KDM4B: variants seen among roughly 807,000 people sequenced by gnomAD.
KDM4B encodes the protein lysine demethylase 4B.
A neutral mutation model predicts 125.2 loss-of-function variants in KDM4B; 32 were observed. The observed-to-expected ratio is 0.26, with a 90% confidence interval of 0.19 to 0.34. The LOEUF is 0.34. Ranked by LOEUF, KDM4B falls within the 10% of genes least tolerant of loss-of-function variation. The probability of loss-of-function intolerance (pLI) is 1.00; values close to 1 mark genes in which losing one functional copy is unlikely to be tolerated. For synonymous variants in KDM4B, 721 were observed against 677.9 expected (o/e 1.06, Z -0.99); for missense variants, 1,190 against 1,577.7 (o/e 0.75, Z 4.16).
At chr19:5,080,508 G>A (rs1307172698) in intron 8 of KDM4B, among the ~76,000 whole-genome samples, 1 of 152,236 alleles carries the variant, frequency 6.6e-6, no homozygotes, top group Non-Finnish European at 1.5e-5. Context: ...AGCCAGCTGG[G>A]AGACACCGCC....
chr19:5,137,398 C>A, intron 16 of KDM4B, 60 bp downstream of exon 16: 1 of 1,458,122 alleles, frequency 6.9e-7, no homozygotes. Flanking sequence ...GGCCCCACTC[C>A]AGTGGGGTGA....
At chr19:4,975,436 T>C (rs919437852) in intron 1 of KDM4B, among the ~76,000 whole-genome samples, 2 of 152,110 alleles carry the variant, frequency 1.3e-5, no homozygotes, top group African/African-American at 4.8e-5. Context: ...CGGGCAGGAT[T>C]GAACCTGTGG....
chr19:5,096,627 G>A (rs1241854813), intron 9 of KDM4B, among the ~76,000 whole-genome samples: 2 of 150,266 alleles, frequency 1.3e-5, no homozygotes, highest in Admixed American at 6.6e-5. Context: ...CGGCGGTGTC[G>A]GTGGTGCGTG....
chr19:5,129,817 G>A (rs577648640), intron 11 of KDM4B, among the ~76,000 whole-genome samples: 56 of 152,330 alleles, frequency 3.7e-4, no homozygotes, highest in Non-Finnish European at 6.3e-4. Context: ...CAGGGCTCAC[G>A]GTGTTCTGGG....
chr19:5,053,986 A>T (rs1395872179), intron 6 of KDM4B, among the ~76,000 whole-genome samples: 1 of 152,224 alleles, frequency 6.6e-6, no homozygotes, highest in Admixed American at 6.5e-5. Context: ...CACCTGTCCC[A>T]ATCCTCTGCT....
Position 5,110,798 on chromosome 19 carries a change from G to A in KDM4B, c.1095G>A (p.Leu365=), listed in dbSNP as rs367662512. ...LSSWSASRAS[L]KAKLLRRSHR... ...CCTGGAGTGCATCCCGGGCCTCGCT[G>A]AAGGCCAAGCTCCTCCGCAGGTGAG... The change falls in exon 10 of 23, where the codon CTG becomes CTA. Residue 365 remains leucine, a synonymous_variant. Transcript: ENST00000159111. 1 of 1,592,720 alleles carries A rather than the reference G, an allele frequency of 6.3e-7. No individual in the cohort carries two copies. The highest frequency in any genetic ancestry group is 8.5e-7 in the Non-Finnish European group (1 of 1,170,220).
chr19:5,008,757 ATT>A (rs61536849), intron 1 of KDM4B, among the ~76,000 whole-genome samples: 1 of 137,778 alleles, frequency 7.3e-6, no homozygotes, highest in Non-Finnish European at 1.6e-5. Context: ...CACTTGGCTA[ATT>A]TTTTTTTTTT....
At chr19:5,037,417 C>T (rs534937386) in intron 3 of KDM4B, among the ~76,000 whole-genome samples, 2 of 152,322 alleles carry the variant, frequency 1.3e-5, no homozygotes, top group East Asian at 3.9e-4. Flanking sequence ...GTCTCACTGA[C>T]TCTTCAGCTG....
intron 1 of KDM4B, among the ~76,000 whole-genome samples, chr19:4,982,248 C>T (rs2034666328): frequency 6.6e-6 from 1 of 151,228 alleles, no homozygotes; most frequent in East Asian, 2.0e-4. Flanking sequence ...GCCAAGATTG[C>T]ACCACTGTAC....
At chr19:5,092,016 G>C (rs372341691) in intron 9 of KDM4B, among the ~76,000 whole-genome samples, 2 of 152,224 alleles carry the variant, frequency 1.3e-5, no homozygotes, top group East Asian at 1.9e-4. Context: ...GTGGGCTTAG[G>C]GGGTGTCACA....
intron 1 of KDM4B, among the ~76,000 whole-genome samples, chr19:4,995,070 T>C (rs941243841): frequency 4.9e-4 from 75 of 152,206 alleles, no homozygotes; most frequent in Non-Finnish European, 8.7e-4. Flanking sequence ...CTTTTGCTCA[T>C]TCCTCCTCAC....
rs1184401101 is a variant in KDM4B, at chr19:5,030,552, A to T, written c.-25-2314A>T. Among the ~76,000 whole-genome samples the T allele has an allele frequency of 3.9e-5, 6 of 152,212 alleles. No homozygotes were observed. The East Asian group carries it at 9.6e-4, about 24-fold the overall frequency. On this transcript the variant is annotated intron_variant, in intron 2 of 22. Transcript: ENST00000159111. Reference sequence around the variant, plus strand: ...TGCAGTGGGTTACAGGGAGGCAGGAAGAGGCCATGTGTGCACCGGCCTGCA... The same window carrying T: ...TGCAGTGGGTTACAGGGAGGCAGGATGAGGCCATGTGTGCACCGGCCTGCA...
At chr19:5,132,253 G>A (rs540122865) in intron 13 of KDM4B, among the ~76,000 whole-genome samples, 16 of 152,254 alleles carry the variant, frequency 1.1e-4, no homozygotes, top group East Asian at 7.7e-4. Flanking sequence ...CATGATGGGC[G>A]GTTCAGGGCT....
chr19:5,124,571 G>C (rs1463943648), intron 11 of KDM4B, among the ~76,000 whole-genome samples: 3 of 152,192 alleles, frequency 2.0e-5, no homozygotes, highest in South Asian at 2.1e-4. Context: ...TTACCCAACT[G>C]GCTAGCAAAG....
intron 13 of KDM4B, among the ~76,000 whole-genome samples, 154 bp downstream of exon 13, chr19:5,132,161 A>G (rs750342396): frequency 1.1e-4 from 17 of 152,056 alleles, no homozygotes; most frequent in Non-Finnish European, 1.9e-4. Flanking sequence ...CCGTAGCGAC[A>G]GGCTGTCACT....
chr19:4,973,028 G>A (rs1186377828), intron 1 of KDM4B, among the ~76,000 whole-genome samples: 1 of 152,140 alleles, frequency 6.6e-6, no homozygotes, highest in Non-Finnish European at 1.5e-5. Context: ...CCCCAGGGGT[G>A]GCACTTCCAC....
chr19:5,024,138 C>T (rs1023795466), intron 2 of KDM4B, among the ~76,000 whole-genome samples: 8 of 152,258 alleles, frequency 5.3e-5, no homozygotes, highest in South Asian at 2.1e-4. Flanking sequence ...GTGTCCCTTG[C>T]GCCCACACCC....
At chr19:5,137,576 G>A (rs1427989917) in intron 16 of KDM4B, 45 bp from the exon 17 acceptor site, 2 of 1,569,632 alleles carry the variant, frequency 1.3e-6, no homozygotes, top group Non-Finnish European at 1.7e-6. Context: ...TGTGTGGGGA[G>A]CCTGCTCCGA....
chr19:5,143,857 A>T, intron 18 of KDM4B, 110 bp from the exon 19 acceptor site: 2 of 867,226 alleles, frequency 2.3e-6, no homozygotes, highest in Middle Eastern at 2.6e-4. Flanking sequence ...GCGCAGGGCC[A>T]CTCCCGCGAT....
Sources: gnomAD v4.1 joint callset for allele counts (sites outside exome capture counted in the v4.1 genomes callset) on GRCh38, gnomAD v4.1.1 for gene constraint, MANE v1.5 for transcripts, NCBI Gene and HGNC (gene_info 2026-07-23, HGNC 2026-07-21) for gene names.